The following ABLIM2 variants were observed in gnomAD, a reference collection of about 807,000 sequenced individuals.
ABLIM2 encodes the protein actin binding LIM protein family member 2.
Under a neutral mutation model 97.7 loss-of-function variants are expected in ABLIM2, and 53 were observed. The ratio of observed to expected loss-of-function variants is 0.54; its 90% CI spans 0.44 to 0.68. The LOEUF (loss-of-function observed/expected upper bound fraction) is 0.68, where lower values mean the gene tolerates loss of function less well. Ranked by LOEUF, ABLIM2 falls within the 30% of genes least tolerant of loss-of-function variation. ABLIM2 has a pLI of 0.00. For synonymous variants in ABLIM2, 361 were observed against 345.8 expected (o/e 1.04, Z -0.49); for missense variants, 835 against 867.2 (o/e 0.96, Z 0.47).
chr4:7,977,376 G>A (rs982492814), intron 20 of ABLIM2, among the ~76,000 whole-genome samples: 4 of 151,972 alleles, frequency 2.6e-5, no homozygotes, highest in Non-Finnish European at 5.9e-5. Flanking sequence ...ATACCCACAT[G>A]TATATGCACA....
rs186841404 is a variant in ABLIM2 at position 8,005,430 on chromosome 4, G to C, written c.1618+2629C>G. Reference sequence around the variant, plus strand: ...TGGGCGCGCTACAGATGGACGTCCCGGGGTGCAGGTGGCGTGCCTTGCTGT... The same window carrying C: ...TGGGCGCGCTACAGATGGACGTCCCCGGGTGCAGGTGGCGTGCCTTGCTGT... On this transcript the variant is annotated intron_variant, in intron 16 of 20. Coordinates refer to ENST00000447017, the MANE Select transcript of ABLIM2 (RefSeq NM_001130083.2). The surrounding 1 kb of genome is among the most constrained non-coding windows in gnomAD (Gnocchi z 4.9). 1.9e-6 allele frequency: 1 copy of C among 533,138 alleles called. No homozygotes were observed. Among genetic ancestry groups the C allele is most frequent in the African/African-American group, 1.9e-5 (1 of 51,922 alleles). The allele number at this position is 533,138 out of a possible 1,614,324, so 33.0% of individuals were successfully genotyped here.
intron 9 of ABLIM2, among the ~76,000 whole-genome samples, chr4:8,040,211 G>A (rs1243807221): frequency 1.3e-5 from 2 of 152,202 alleles, no homozygotes; most frequent in Non-Finnish European, 1.5e-5. Context: ...CAAAGCACCC[G>A]ACGGGGACAT....
intron 12 of ABLIM2, among the ~76,000 whole-genome samples, 195 bp downstream of exon 12, chr4:8,027,564 G>T (rs1778196775): frequency 6.6e-6 from 1 of 152,136 alleles, no homozygotes; most frequent in African/African-American, 2.4e-5. Context: ...ATGTAACAAG[G>T]TACCTAAGTT....
In ABLIM2 at chr4:7,984,820, G is replaced by A; in HGVS notation, c.1735+19C>T. 6.3e-7 allele frequency: 1 copy of A among 1,581,502 alleles called. No individual in the cohort carries two copies. Among genetic ancestry groups the A allele is most frequent in the Non-Finnish European group, 8.6e-7 (1 of 1,164,008 alleles). ...CCCCTGCCCCAGCCAGAGACCCACAGGGTCCCCGCTCTGTGTACCTCGCAT... is the reference window on the plus strand; with the variant it reads ...CCCCTGCCCCAGCCAGAGACCCACAAGGTCCCCGCTCTGTGTACCTCGCAT... On this transcript the variant is annotated intron_variant, in intron 18 of 20. Coordinates refer to ENST00000447017, the MANE Select transcript of ABLIM2 (RefSeq NM_001130083.2).
intron 20 of ABLIM2, among the ~76,000 whole-genome samples, chr4:7,968,463 T>C (rs1038642656): frequency 1.3e-5 from 2 of 152,220 alleles, no homozygotes; most frequent in Admixed American, 1.3e-4. Context: ...ATACACAGAA[T>C]GTGACATGTC....
chr4:8,000,339 C>T lies in ABLIM2; in HGVS notation c.1619-7412G>A, dbSNP rs533647963. 2.7e-3 allele frequency among the ~76,000 whole-genome samples: 418 copies of T among 152,276 alleles called. 1 individual carries two copies. The highest frequency in any genetic ancestry group is 4.6e-3 in the Non-Finnish European group (313 of 68,036). ...AGGCCACAGGATCCCCGTGTGCTCA[C>T]GTGCAAGCTCCTCAACCCCCACATG... is the stretch of plus-strand genomic sequence containing the variant. On this transcript the variant is annotated intron_variant, in intron 16 of 20. Coordinates refer to ENST00000447017, the MANE Select transcript of ABLIM2 (RefSeq NM_001130083.2).
Position 8,071,669 on chromosome 4 carries a change from C to T in ABLIM2, c.675+5959G>A. 2.0e-6 allele frequency: 2 copies of T among 978,816 alleles called. No homozygotes were observed. The highest frequency in any genetic ancestry group is 2.4e-6 in the Non-Finnish European group (2 of 823,818). 60.6% of individuals were successfully genotyped at this position (978,816 alleles called of 1,614,324 possible). A position where few individuals can be genotyped will look rare whatever the true frequency, so the allele number is the denominator to read the frequency against. ...GGGAACAGGTGGCTCCGAGGTCTCA[C>T]ACCTGACTGCTCTGTCCCCAAAAAC... On this transcript the variant is annotated intron_variant, in intron 6 of 20. Transcript: ENST00000447017. This position sits in a 1 kb window ranked among gnomAD's most constrained non-coding sequence, Gnocchi z 6.2.
At chr4:8,097,459 T>C (rs1337730819) in intron 2 of ABLIM2, among the ~76,000 whole-genome samples, 177 bp from the exon 3 acceptor site, 1 of 152,130 alleles carries the variant, frequency 6.6e-6, no homozygotes, top group Admixed American at 6.5e-5. Flanking sequence ...TGGGACAGAC[T>C]CCAGCTCTGG....
In ABLIM2 at chr4:7,998,165, T is replaced by C. The variant is rs781679820; in HGVS notation, c.1619-5238A>G. 3.9e-5 allele frequency among the ~76,000 whole-genome samples: 6 copies of C among 152,018 alleles called. No homozygotes were observed. The highest frequency in any genetic ancestry group is 7.4e-5 in the Non-Finnish European group (5 of 67,986). On this transcript the variant is annotated intron_variant, in intron 16 of 20. Coordinates refer to ENST00000447017, the MANE Select transcript of ABLIM2 (RefSeq NM_001130083.2). The surrounding 1 kb of genome is among the most constrained non-coding windows in gnomAD (Gnocchi z 6.4). Reference sequence around the variant, plus strand: ...CCTCCCAAAGTGCTGGGATTACAGGTGTGAGCCACTGCGCCGGGCCTTCTG... The same window carrying C: ...CCTCCCAAAGTGCTGGGATTACAGGCGTGAGCCACTGCGCCGGGCCTTCTG...
In ABLIM2 at chr4:7,989,172, C is replaced by T. The variant is rs186642832; in HGVS notation, c.1680+3694G>A. Among the ~76,000 whole-genome samples, 194 of 149,506 alleles carry T rather than the reference C, an allele frequency of 1.3e-3. 1 individual carries two copies. The highest frequency in any genetic ancestry group is 3.5e-3 in the Middle Eastern group (1 of 288). Reference sequence around the variant, plus strand: ...CAGCAGCTCACTGCAACCTCTGCCTCCCAGGTTCAAGCATTCTTTATTCTT... The same window carrying T: ...CAGCAGCTCACTGCAACCTCTGCCTTCCAGGTTCAAGCATTCTTTATTCTT... On this transcript the variant is annotated intron_variant, in intron 17 of 20. Coordinates refer to ENST00000447017, the MANE Select transcript of ABLIM2 (RefSeq NM_001130083.2).
At chr4:7,987,584 C>T (rs1342648796) in intron 17 of ABLIM2, among the ~76,000 whole-genome samples, 5 of 152,208 alleles carry the variant, frequency 3.3e-5, no homozygotes, top group South Asian at 2.1e-4. Context: ...CCCTAGTGCC[C>T]ATCGCTCTGC....
chr4:8,026,221 T>TA (rs1777252611), intron 12 of ABLIM2, among the ~76,000 whole-genome samples: 1 of 152,202 alleles, frequency 6.6e-6, no homozygotes, highest in Non-Finnish European at 1.5e-5. Context: ...AGGCTGGTCT[T>TA]AAACTCTTGG....
chr4:8,004,122 C>CTGCCGGGA lies in ABLIM2; in HGVS notation c.1618+3936_1618+3937insTCCCGGCA, dbSNP rs559004636. Among the ~76,000 whole-genome samples, 26,908 of 151,704 alleles carry CTGCCGGGA rather than the reference C, an allele frequency of 0.18. 2,948 individuals carry two copies. The highest frequency in any genetic ancestry group is 0.31 in the African/African-American group (12,948 of 41,228). ...GGTCCCCACCCACCACCTTCCCTTC[C>CTGCCGGGA]ACAGAAAAGCTGCAGCAGGGTCGCT... On this transcript the variant is annotated intron_variant, in intron 16 of 20. Coordinates refer to ENST00000447017, the MANE Select transcript of ABLIM2 (RefSeq NM_001130083.2). This position sits in a 1 kb window ranked among gnomAD's most constrained non-coding sequence, Gnocchi z 5.9.
intron 6 of ABLIM2, among the ~76,000 whole-genome samples, chr4:8,073,823 C>G (rs1008393912): frequency 3.3e-5 from 5 of 152,186 alleles, no homozygotes; most frequent in Admixed American, 6.5e-5. Context: ...CATGGTGGCT[C>G]ACGCCTGTAA....
chr4:8,123,552 G>A lies in ABLIM2; in HGVS notation c.11-16915C>T, dbSNP rs535281885. 3.5e-4 allele frequency among the ~76,000 whole-genome samples: 53 copies of A among 152,352 alleles called. No individual in the cohort carries two copies. The highest frequency in any genetic ancestry group is 5.7e-4 in the Non-Finnish European group (39 of 68,030). The stretch of plus-strand genomic sequence containing the variant: ...GCATGTCTAATTAAAACTGGTCGTC[G>A]GGATGGCTGGCCTGGAGCCCAGGGA... On this transcript the variant is annotated intron_variant, in intron 1 of 20. Transcript: ENST00000447017. The surrounding 1 kb of genome is among the most constrained non-coding windows in gnomAD (Gnocchi z 6.2).
At position 8,122,504 on chromosome 4, in the gene ABLIM2, T is replaced by G. The variant is rs1325767234; in HGVS notation, c.11-15867A>C. Among the ~76,000 whole-genome samples the G allele has an allele frequency of 6.6e-6, 1 of 152,186 alleles. No homozygotes were observed. The highest frequency in any genetic ancestry group is 2.4e-5 in the African/African-American group (1 of 41,450). On this transcript the variant is annotated intron_variant, in intron 1 of 20. Coordinates refer to ENST00000447017, the MANE Select transcript of ABLIM2 (RefSeq NM_001130083.2). This position sits in a 1 kb window ranked among gnomAD's most constrained non-coding sequence, Gnocchi z 4.1. ...CTTGCAGACAGCCGCCTTCTTACTG[T>G]GTCCTCACAAGGCAGAGAGCGCGCT... is the stretch of plus-strand genomic sequence containing the variant.
intron 2 of ABLIM2, among the ~76,000 whole-genome samples, chr4:8,099,988 G>A (rs1446638613): frequency 1.3e-5 from 2 of 152,196 alleles, no homozygotes; most frequent in Non-Finnish European, 2.9e-5. Context: ...TATCAAACTA[G>A]CACAGACACT....
intron 1 of ABLIM2, among the ~76,000 whole-genome samples, chr4:8,143,841 C>T (rs1023565557): frequency 2.6e-5 from 4 of 152,172 alleles, no homozygotes; most frequent in Non-Finnish European, 5.9e-5. Flanking sequence ...TTAGAGGACA[C>T]GGCTGCCTGT....
Position 8,095,971 on chromosome 4 carries a change from C to T in ABLIM2, c.338+1128G>A, listed in dbSNP as rs528639855. On this transcript the variant is annotated intron_variant, in intron 3 of 20. Coordinates refer to ENST00000447017, the MANE Select transcript of ABLIM2 (RefSeq NM_001130083.2). The surrounding 1 kb of genome is among the most constrained non-coding windows in gnomAD (Gnocchi z 4.7). ...AAGACTCCAAGGTACCTGTGCAGTTCGGCGCTCTTGCTCTGTGGTGCCCCT... is the reference window on the plus strand; with the variant it reads ...AAGACTCCAAGGTACCTGTGCAGTTTGGCGCTCTTGCTCTGTGGTGCCCCT... 5.3e-5 allele frequency among the ~76,000 whole-genome samples: 8 copies of T among 152,272 alleles called. No individual in the cohort carries two copies. The Middle Eastern group carries it at 0.014, about 259-fold the overall frequency.
Sources: gnomAD v4.1 joint callset for allele counts (sites outside exome capture counted in the v4.1 genomes callset) on GRCh38, gnomAD v4.1.1 for gene constraint, Gnocchi (gnomAD v3.1) non-coding constraint, MANE v1.5 for transcripts, NCBI Gene and HGNC (gene_info 2026-07-23, HGNC 2026-07-21) for gene names.